Variants in SBF2 observed in about 807,000 individuals in gnomAD.
SBF2 encodes SET binding factor 2, also known as myotubularin-related protein 13.
In SBF2, 112 loss-of-function variants were observed where a neutral mutation model predicts 225.2. The ratio of observed to expected loss-of-function variants is 0.50; its 90% confidence interval spans 0.43 to 0.58. The LOEUF (loss-of-function observed/expected upper bound fraction) is 0.58. SBF2 is among the 20% of genes least tolerant of loss of function. The pLI is 0.00. For missense variants in SBF2, 1,996 were observed against 2,206.2 expected (o/e 0.90, Z 1.91); for synonymous variants, 763 against 773.3 (o/e 0.99, Z 0.22).
Position 9,785,271 on chromosome 11 carries a change from T to C in SBF2, c.5085A>G (p.Leu1695=). ...GCAGAGACCTCTTCTGATAGGAAGG[T>C]AGGTTGGTAGACACAATTCCTGGGG... is the stretch of plus-strand genomic sequence containing the variant. ...SRSPGIVSTN[L]PSYQKRSLLH... Residue 1695 remains leucine, a synonymous_variant, in exon 37 of 40, where the codon CTA becomes CTG. Transcript: ENST00000256190. The C allele has an allele frequency of 6.2e-7, 1 of 1,614,150 alleles. No individual in the cohort carries two copies. Among genetic ancestry groups the C allele is most frequent in the South Asian group, 1.1e-5 (1 of 91,074 alleles).
chr11:10,004,729 C>G (rs921097633), intron 6 of SBF2, among the ~76,000 whole-genome samples: 1 of 152,144 alleles, frequency 6.6e-6, no homozygotes, highest in Non-Finnish European at 1.5e-5. Context: ...TTCCTCTGCC[C>G]TATTGTTTCA....
At chr11:9,868,885 C>T (rs1858473400) in intron 17 of SBF2, among the ~76,000 whole-genome samples, 1 of 152,204 alleles carries the variant, frequency 6.6e-6, no homozygotes, top group Non-Finnish European at 1.5e-5. Context: ...TGAGGGGTAG[C>T]ACTCACCGGG....
intron 1 of SBF2, among the ~76,000 whole-genome samples, chr11:10,215,025 C>A (rs1192325479): frequency 2.0e-5 from 3 of 152,186 alleles, no homozygotes; most frequent in African/African-American, 7.2e-5. Flanking sequence ...CTGGTACCAT[C>A]AGTGTAGGAA....
chr11:9,981,351 T>C lies in SBF2; in HGVS notation c.1395+8146A>G, dbSNP rs766649924. 4.5e-4 allele frequency among the ~76,000 whole-genome samples: 69 copies of C among 152,252 alleles called. 1 individual carries two copies. Among genetic ancestry groups the C allele is most frequent in the Non-Finnish European group, 1.9e-4 (13 of 68,028 alleles). ...GGGGTGAAAAGTGACTACTGGGTAC[T>C]CTGCTCAGTGCCTGGGTGATGGCAT... On this transcript the variant is annotated intron_variant, in intron 13 of 39. Transcript: ENST00000256190.
chr11:10,075,917 G>A (rs1354970488), intron 2 of SBF2, among the ~76,000 whole-genome samples: 3 of 150,902 alleles, frequency 2.0e-5, no homozygotes, highest in East Asian at 1.9e-4. Flanking sequence ...TTTTTTCTGC[G>A]AGTTGGCAAA....
intron 17 of SBF2, among the ~76,000 whole-genome samples, chr11:9,870,935 C>T (rs368032250): frequency 6.7e-6 from 1 of 149,268 alleles, no homozygotes; most frequent in Non-Finnish European, 1.5e-5. Flanking sequence ...GATCACGCCA[C>T]TGCACTCCAG....
intron 28 of SBF2, among the ~76,000 whole-genome samples, chr11:9,827,483 T>C (rs1162609907): frequency 6.6e-6 from 1 of 150,734 alleles, no homozygotes; most frequent in Non-Finnish European, 1.5e-5. Context: ...TAGTTAGCTA[T>C]GACAGTTCCA....
chr11:10,152,908 T>C (rs1955281177), intron 2 of SBF2, among the ~76,000 whole-genome samples: 2 of 152,016 alleles, frequency 1.3e-5, no homozygotes, highest in Admixed American at 1.3e-4. Context: ...GGCCTGAAAA[T>C]CCGTAATACA....
In SBF2 at chr11:10,291,026, C is replaced by T. The variant is rs915927923; in HGVS notation, c.55+2989G>A. Among the ~76,000 whole-genome samples the T allele has an allele frequency of 2.0e-5, 3 of 152,178 alleles. No individual in the cohort carries two copies. The South Asian group carries it at 6.2e-4, about 32-fold the overall frequency. On this transcript the variant is annotated intron_variant, in intron 1 of 39. Coordinates refer to ENST00000256190, the MANE Select transcript of SBF2 (RefSeq NM_030962.4). ...GAACAGGTTCTTGTGCCAAAAAGTA[C>T]AAAGTTGTTCTCAAAGAGTGATGGG...
chr11:9,947,981 T>A (rs1401323318), intron 16 of SBF2, among the ~76,000 whole-genome samples: 1 of 152,154 alleles, frequency 6.6e-6, no homozygotes, highest in Non-Finnish European at 1.5e-5. Context: ...GATGTTTGCA[T>A]ACTCATGTTC....
At chr11:10,152,068 G>A (rs1955224618) in intron 2 of SBF2, among the ~76,000 whole-genome samples, 1 of 152,134 alleles carries the variant, frequency 6.6e-6, no homozygotes, top group African/African-American at 2.4e-5. Context: ...TTTACCTGTG[G>A]AACTGAACTG....
chr11:9,963,942 C>G (rs1234553232), intron 14 of SBF2, 60 bp from the exon 15 acceptor site: 2 of 954,854 alleles, frequency 2.1e-6, no homozygotes, highest in Non-Finnish European at 1.6e-6. Flanking sequence ...ATTACAAAAG[C>G]AAAGAGACTA....
Position 9,932,633 on chromosome 11 carries a change from A to AC in SBF2, c.1860+29323_1860+29324insG, listed in dbSNP as rs977476363. 2.5e-3 allele frequency among the ~76,000 whole-genome samples: 375 copies of AC among 152,274 alleles called. 2 individuals are homozygous for AC. The highest frequency in any genetic ancestry group is 7.5e-3 in the African/African-American group (310 of 41,568). On this transcript the variant is annotated intron_variant, in intron 16 of 39. Coordinates refer to ENST00000256190, the MANE Select transcript of SBF2 (RefSeq NM_030962.4). ...CCTTACAAGAGCTCCTGAAGGAAGC[A>AC]TAAACATGGAAAGGAACAACCAGTA...
intron 2 of SBF2, among the ~76,000 whole-genome samples, chr11:10,059,132 A>C (rs1950347443): frequency 1.3e-5 from 2 of 152,222 alleles, no homozygotes; most frequent in Admixed American, 1.3e-4. Context: ...TAACAGTACA[A>C]TGACAGGATC....
intron 1 of SBF2, among the ~76,000 whole-genome samples, chr11:10,301,799 A>G (rs1401490719): frequency 6.6e-6 from 1 of 152,210 alleles, no homozygotes; most frequent in African/African-American, 2.4e-5. Flanking sequence ...GGGCCTAAAA[A>G]TCATTCAATT....
upstream of SBF2, chr11:10,294,317 C>T (rs1400399168): frequency 5.9e-6 from 2 of 340,798 alleles, no homozygotes; most frequent in East Asian, 4.4e-5. Context: ...CCACCCTCCG[C>T]GGGCCTCGCG....
intron 1 of SBF2, among the ~76,000 whole-genome samples, chr11:10,304,027 A>C (rs1274467624): frequency 6.6e-6 from 1 of 152,132 alleles, no homozygotes; most frequent in African/African-American, 2.4e-5. Flanking sequence ...TGTCGGGCCG[A>C]GTAGGGACTC....
chr11:9,807,292 G>A (rs892929676), intron 32 of SBF2, among the ~76,000 whole-genome samples: 5 of 152,288 alleles, frequency 3.3e-5, no homozygotes, highest in South Asian at 4.1e-4. Context: ...ATGTGCCTGC[G>A]ATGAAGGCAG....
At chr11:9,957,061 CAT>C (rs762106150) in intron 16 of SBF2, 2 of 152,184 alleles carry the variant, frequency 1.3e-5, no homozygotes, top group African/African-American at 4.8e-5. Context: ...GCTTTAGTGA[CAT>C]GTTATTCCCA....
Sources: allele counts gnomAD v4.1 joint callset (sites outside exome capture counted in the v4.1 genomes callset), GRCh38; gene constraint gnomAD v4.1.1; transcripts MANE v1.5; gene names NCBI Gene and HGNC (gene_info 2026-07-23, HGNC 2026-07-21).